The following CEP290 variants were observed in gnomAD, a reference collection of about 807,000 sequenced individuals.
The protein encoded by CEP290 is centrosomal protein 290, also known as centrosomal protein of 290 kDa.
A neutral mutation model predicts 344.9 loss-of-function variants in CEP290; 317 were observed. The ratio of observed to expected loss-of-function variants is 0.92; its 90% CI spans 0.84 to 1.01. The LOEUF is 1.01. Ranked by LOEUF, CEP290 falls within the 50% of genes least tolerant of loss-of-function variation. The pLI is 0.00. For synonymous variants in CEP290, 932 were observed against 895.8 expected (o/e 1.04, Z -0.72); for missense variants, 2,754 against 2,761.4 (o/e 1.00, Z 0.06).
intron 26 of CEP290, among the ~76,000 whole-genome samples, chr12:88,098,460 A>C (rs2037623284): frequency 6.6e-6 from 1 of 151,888 alleles, no homozygotes; most frequent in South Asian, 2.1e-4. Flanking sequence ...AAAACACAAA[A>C]AATTAGCTGA....
At chr12:88,116,922 C>G in intron 18 of CEP290, 111 bp downstream of exon 18, 1 of 533,702 alleles carries the variant, frequency 1.9e-6, no homozygotes, top group Non-Finnish European at 3.3e-6. Flanking sequence ...TGCAGTGAGC[C>G]GAGATCGCGC....
At chr12:88,053,615 CTT>C (rs1219817155) in intron 52 of CEP290, 35 bp downstream of exon 52, 2 of 917,068 alleles carry the variant, frequency 2.2e-6, no homozygotes, top group African/African-American at 3.5e-5. Flanking sequence ...AATTCAAAAA[CTT>C]GGGGGTAGCT....
rs771714293 is a variant in CEP290 at position 88,087,738 on chromosome 12, A to C, written c.4194+42T>G. On this transcript the variant is annotated intron_variant, in intron 32 of 53. Coordinates refer to ENST00000552810, the MANE Select transcript of CEP290 (RefSeq NM_025114.4). Reference sequence around the variant, plus strand: ...CCATCTCAAAAAAAAAAAAAAAAAAAAAAAACTTAGGGAAAAAAATGAAAT... The same window carrying C: ...CCATCTCAAAAAAAAAAAAAAAAAACAAAAACTTAGGGAAAAAAATGAAAT... 62 of 829,218 alleles carry C rather than the reference A, an allele frequency of 7.5e-5. No homozygotes were observed. In the East Asian group the frequency reaches 2.0e-3, roughly 27 times the overall value. 51.4% of individuals were successfully genotyped at this position (829,218 alleles called of 1,614,324 possible).
chr12:88,133,986 AT>A (rs2040220176), intron 6 of CEP290, among the ~76,000 whole-genome samples: 1 of 152,116 alleles, frequency 6.6e-6, no homozygotes, highest in Non-Finnish European at 1.5e-5. Context: ...TCATTGCTTT[AT>A]TAGACATTTC....
intron 15 of CEP290, 94 bp downstream of exon 15, chr12:88,120,020 A>C: frequency 1.4e-6 from 1 of 727,650 alleles, no homozygotes; most frequent in Non-Finnish European, 2.1e-6. Context: ...AAAGCATTAA[A>C]CTACTTAATA....
rs201569048 is a variant in CEP290 at position 88,109,070 on chromosome 12, G to C, written c.2479C>G (p.Leu827Val). 74 of 1,199,636 alleles carry C rather than the reference G, an allele frequency of 6.2e-5. No homozygotes were observed. The African/African-American group carries it at 1.1e-3, about 18-fold the overall frequency. 74.3% of individuals were successfully genotyped at this position (1,199,636 alleles called of 1,614,324 possible). Residue 827 changes from leucine (L) to valine (V), a missense_variant, in exon 23 of 54, where the codon CTA becomes GTA. Transcript: ENST00000552810. ...HQQSLLYKEY[L>V]SEKETWKTES... ...TAGTTTTGCTAATACCTATACCTTA[G>C]GTATTCTTTATACAACAAACTTTGT...
At chr12:88,060,586 G>A (rs976257891) in intron 47 of CEP290, among the ~76,000 whole-genome samples, 2 of 151,836 alleles carry the variant, frequency 1.3e-5, no homozygotes, top group African/African-American at 4.8e-5. Flanking sequence ...AGAGACACAG[G>A]TAATTAATCT....
chr12:88,069,707 C>T lies in CEP290; in HGVS notation c.6012-1062G>A, dbSNP rs1439453235. On this transcript the variant is annotated intron_variant, in intron 43 of 53. Coordinates refer to ENST00000552810, the MANE Select transcript of CEP290 (RefSeq NM_025114.4). ...GTGTTCGTTTAAATAAGTTCAACTT[C>T]GTATGTTCACATCACATTCATAATG... is the stretch of plus-strand genomic sequence containing the variant. Among the ~76,000 whole-genome samples, 5 of 152,160 alleles carry T rather than the reference C, an allele frequency of 3.3e-5. No homozygotes were observed. The East Asian group carries it at 5.8e-4, about 18-fold the overall frequency.
Position 88,101,239 on chromosome 12 carries a change from T to C in CEP290, c.2991+1599A>G, listed in dbSNP as rs576755324. ...GCTCACATCTGTAATCCCAGCACTT[T>C]AGGAGGCCGAGGCGGGTGGATCACG... On this transcript the variant is annotated intron_variant, in intron 26 of 53. Coordinates refer to ENST00000552810, the MANE Select transcript of CEP290 (RefSeq NM_025114.4). Among the ~76,000 whole-genome samples the C allele has an allele frequency of 7.2e-5, 11 of 152,020 alleles. No individual in the cohort carries two copies. In the South Asian group the frequency reaches 2.3e-3, roughly 32 times the overall value.
chr12:88,110,314 C>T (rs1338695928), intron 22 of CEP290, among the ~76,000 whole-genome samples: 1 of 152,016 alleles, frequency 6.6e-6, no homozygotes, highest in Non-Finnish European at 1.5e-5. Context: ...AACTGAGAAA[C>T]CCAGGGCAGG....
chr12:88,141,397 C>A, intron 1 of CEP290, 63 bp from the exon 2 acceptor site: 1 of 765,998 alleles, frequency 1.3e-6, no homozygotes, highest in Non-Finnish European at 2.0e-6. Flanking sequence ...TTTTCTAGCA[C>A]CTTACATTTT....
intron 34 of CEP290, among the ~76,000 whole-genome samples, chr12:88,085,568 T>C (rs1278300530): frequency 1.3e-5 from 2 of 152,126 alleles, no homozygotes; most frequent in African/African-American, 2.4e-5. Flanking sequence ...TTCTGAATAA[T>C]TTAATGAAGA....
intron 6 of CEP290, chr12:88,135,707 CATT>C (rs1249360674): frequency 6.6e-6 from 1 of 152,026 alleles, no homozygotes. Flanking sequence ...AATAGCATAT[CATT>C]GTTTTCTTAA....
intron 4 of CEP290, 116 bp downstream of exon 4, chr12:88,139,379 A>G (rs2040513197): frequency 8.7e-6 from 5 of 575,394 alleles, no homozygotes; most frequent in Non-Finnish European, 1.1e-5. Context: ...AATGTTATAT[A>G]TTAAAAATAA....
At position 88,140,968 on chromosome 12, in the gene CEP290, C is replaced by T. The variant is rs1382787422; in HGVS notation, c.168G>A (p.Gln56=). 3.8e-6 allele frequency: 6 copies of T among 1,588,118 alleles called. No individual in the cohort carries two copies. Among genetic ancestry groups the T allele is most frequent in the Non-Finnish European group, 5.1e-6 (6 of 1,170,112 alleles). Residue 56 remains glutamine (Q), a synonymous_variant, in exon 3 of 54, where the codon CAG becomes CAA. Transcript: ENST00000552810. ...ENVIHLFRIT[Q]SLMKMKAQEV... is the part of the protein sequence containing the mutation. The stretch of plus-strand genomic sequence containing the variant: ...ACTACATACAAACCTTCATTAGTGA[C>T]TGAGTAATTCTGAAAAGGTGTATCA...
intron 26 of CEP290, among the ~76,000 whole-genome samples, chr12:88,098,863 G>A (rs1372007423): frequency 6.6e-6 from 1 of 152,108 alleles, no homozygotes; most frequent in African/African-American, 2.4e-5. Flanking sequence ...TGATTTGGAG[G>A]ACTGGAGCAC....
At chr12:88,140,606 G>A (rs1230193137) in intron 3 of CEP290, among the ~76,000 whole-genome samples, 1 of 152,050 alleles carries the variant, frequency 6.6e-6, no homozygotes, top group Non-Finnish European at 1.5e-5. Context: ...CTACTCCTCA[G>A]TATTGATCCT....
Position 88,118,208 on chromosome 12 carries a change from T to C in CEP290, c.1711+275A>G, listed in dbSNP as rs1565896413. Among the ~76,000 whole-genome samples the C allele has an allele frequency of 2.0e-5, 3 of 152,100 alleles. No homozygotes were observed. The South Asian group carries it at 6.2e-4, about 32-fold the overall frequency. On this transcript the variant is annotated intron_variant, in intron 17 of 53. Transcript: ENST00000552810. ...CTGTCTAGAAATTAAAATACTATAC[T>C]ATAAAACTTTTCAAAAATTCCATAA...
At chr12:88,097,610 TACACACAC>T (rs34989046) in intron 26 of CEP290, among the ~76,000 whole-genome samples, 22 of 144,326 alleles carry the variant, frequency 1.5e-4, no homozygotes, top group East Asian at 6.2e-4. Context: ...CACACACACA[TACACACAC>T]ACACACACAC....
Sources: gnomAD v4.1 joint callset for allele counts (sites outside exome capture counted in the v4.1 genomes callset) on GRCh38, gnomAD v4.1.1 for gene constraint, MANE v1.5 for transcripts, NCBI Gene and HGNC (gene_info 2026-07-23, HGNC 2026-07-21) for gene names.